The following SLC25A13 variants were observed in gnomAD, a reference collection of about 807,000 sequenced individuals.
SLC25A13 encodes electrogenic aspartate/glutamate antiporter SLC25A13, mitochondrial.
SLC25A13 carries 70 observed loss-of-function variants against 85.5 expected under a neutral mutation model. The observed-to-expected ratio is 0.82, with a 90% confidence interval of 0.68 to 1.00. The LOEUF (loss-of-function observed/expected upper bound fraction) is 1.00. Ranked by LOEUF, SLC25A13 falls within the 50% of genes least tolerant of loss-of-function variation. The pLI is 0.00. For synonymous variants in SLC25A13, 259 were observed against 288.7 expected (o/e 0.90, Z 1.04); for missense variants, 765 against 819.8 (o/e 0.93, Z 0.82).
At chr7:96,275,489 T>C (rs1212194283) in intron 3 of SLC25A13, among the ~76,000 whole-genome samples, 1 of 152,174 alleles carries the variant, frequency 6.6e-6, no homozygotes, top group African/African-American at 2.4e-5. Context: ...TCAACCCAAA[T>C]GTCCATCAAT....
chr7:96,288,517 T>G (rs559040410), intron 2 of SLC25A13, among the ~76,000 whole-genome samples: 1 of 152,258 alleles, frequency 6.6e-6, no homozygotes, highest in Admixed American at 6.5e-5. Context: ...TTCCCTTTCC[T>G]AGCCAAGGGA....
Position 96,191,211 on chromosome 7 carries a change from A to T in SLC25A13, c.652T>A (p.Ser218Thr), listed in dbSNP as rs748471758. ...GGTTSHQVSF[S>T]YFNGFNSLLN... ...AGCGAATTAAATCCATTAAAATAGG[A>T]GAAACTAACTTGATGGGATGTGGTA... The change falls in exon 7 of 18, where the codon TCC (serine) becomes ACC (threonine). Residue 218 changes from serine (S) to threonine (T), a missense_variant. Physicochemically the swap from Ser to Thr is moderately conservative, Grantham distance 58. Transcript: ENST00000265631. The T allele has an allele frequency of 1.2e-6, 2 of 1,614,094 alleles. No individual in the cohort carries two copies. Among genetic ancestry groups the T allele is most frequent in the Non-Finnish European group, 1.7e-6 (2 of 1,179,994 alleles).
chr7:96,202,418 C>T (rs973678516), intron 5 of SLC25A13, among the ~76,000 whole-genome samples: 2 of 152,210 alleles, frequency 1.3e-5, no homozygotes, highest in Admixed American at 6.5e-5. Flanking sequence ...CATTCTTAAA[C>T]TCTATTTGAT....
intron 5 of SLC25A13, among the ~76,000 whole-genome samples, chr7:96,199,515 G>A (rs1795175423): frequency 6.6e-6 from 1 of 152,152 alleles, no homozygotes; most frequent in South Asian, 2.1e-4. Context: ...AAATGCTGCT[G>A]CCGAAGACAG....
At chr7:96,175,656 G>A (rs1375720907) in intron 11 of SLC25A13, among the ~76,000 whole-genome samples, 1 of 152,148 alleles carries the variant, frequency 6.6e-6, no homozygotes. Context: ...TCTCTCCCAG[G>A]CCCACTAAGG....
intron 3 of SLC25A13, among the ~76,000 whole-genome samples, chr7:96,272,547 G>A (rs1019720699): frequency 6.6e-6 from 1 of 152,118 alleles, no homozygotes; most frequent in Non-Finnish European, 1.5e-5. Context: ...TGATTTCCAG[G>A]TCAAAGGCAG....
chr7:96,240,621 A>C (rs988654454), intron 3 of SLC25A13, among the ~76,000 whole-genome samples: 1 of 151,868 alleles, frequency 6.6e-6, no homozygotes, highest in South Asian at 2.1e-4. Flanking sequence ...GCTCATGTCT[A>C]TAATTCCAGC....
At chr7:96,251,451 G>T (rs1416943766) in intron 3 of SLC25A13, among the ~76,000 whole-genome samples, 1 of 152,166 alleles carries the variant, frequency 6.6e-6, no homozygotes, top group Admixed American at 6.5e-5. Flanking sequence ...AAGAAGATTT[G>T]GTGAGAAGTT....
chr7:96,248,150 C>G (rs1797276681), intron 3 of SLC25A13, among the ~76,000 whole-genome samples: 1 of 152,020 alleles, frequency 6.6e-6, no homozygotes, highest in East Asian at 1.9e-4. Flanking sequence ...TCAGATGAAC[C>G]TAAATTCAGC....
chr7:96,240,746 A>AG (rs1314507621), intron 3 of SLC25A13, among the ~76,000 whole-genome samples: 2 of 88,870 alleles, frequency 2.3e-5, no homozygotes, highest in South Asian at 6.8e-4. Flanking sequence ...ACCATCTACT[A>AG]GAAAAAAAAA....
chr7:96,321,740 G>C (rs1034885661), intron 1 of SLC25A13, among the ~76,000 whole-genome samples: 2 of 152,172 alleles, frequency 1.3e-5, no homozygotes, highest in African/African-American at 4.8e-5. Flanking sequence ...CTGCGAGGTC[G>C]GGCCTCGGTC....
intron 3 of SLC25A13, among the ~76,000 whole-genome samples, chr7:96,247,958 G>GA (rs79369705): frequency 0.023 from 2,813 of 122,438 alleles, 47 homozygotes; most frequent in African/African-American, 0.055. Flanking sequence ...TAGCAGCTGG[G>GA]AAAAAAAAAA....
intron 5 of SLC25A13, among the ~76,000 whole-genome samples, chr7:96,194,851 G>A (rs1287983904): frequency 2.0e-5 from 3 of 152,136 alleles, no homozygotes; most frequent in African/African-American, 7.2e-5. Context: ...AAGAATCAGA[G>A]TTCTTATCCT....
At chr7:96,181,539 A>G (rs1056890110) in intron 11 of SLC25A13, among the ~76,000 whole-genome samples, 2 of 152,152 alleles carry the variant, frequency 1.3e-5, no homozygotes, top group African/African-American at 4.8e-5. Flanking sequence ...TATTAACCTC[A>G]TAATAAGATC....
chr7:96,241,096 A>AAGAAAGAAAGAG (rs1796978585), intron 3 of SLC25A13, among the ~76,000 whole-genome samples: 1 of 136,256 alleles, frequency 7.3e-6, no homozygotes, highest in African/African-American at 2.6e-5. Flanking sequence ...GAAAGAAAGA[A>AAGAAAGAAAGAG]AGAAAGAAAG....
intron 11 of SLC25A13, among the ~76,000 whole-genome samples, chr7:96,182,636 A>G (rs1393122518): frequency 6.6e-6 from 1 of 152,254 alleles, no homozygotes; most frequent in Non-Finnish European, 1.5e-5. Context: ...ACATTAGCTC[A>G]GCACTCAGTA....
chr7:96,171,566 C>T, intron 11 of SLC25A13, 42 bp from the exon 12 acceptor site: 1 of 1,540,114 alleles, frequency 6.5e-7, no homozygotes, highest in Middle Eastern at 1.7e-4. Context: ...AATAAATTAG[C>T]ATTAACTAAA....
chr7:96,227,271 T>C (rs1796358906), intron 4 of SLC25A13, among the ~76,000 whole-genome samples: 1 of 152,156 alleles, frequency 6.6e-6, no homozygotes, highest in Non-Finnish European at 1.5e-5. Context: ...ATTTCCAGAG[T>C]AGTGAGATAT....
Position 96,284,414 on chromosome 7 carries a change from AAGTG to A in SLC25A13, c.70-7080_70-7077del. Among the ~76,000 whole-genome samples, 3 of 152,358 alleles carry A rather than the reference AAGTG, an allele frequency of 2.0e-5. No homozygotes were observed. In the South Asian group the frequency reaches 6.2e-4, roughly 32 times the overall value. On this transcript the variant is annotated intron_variant, in intron 2 of 17. Coordinates refer to ENST00000265631, the MANE Select transcript of SLC25A13 (RefSeq NM_014251.3). ...CAAAATTTGCCTACAGACATTTTAA[AAGTG>A]GATATCATGCTTTTGCTGACAAAAC...
Sources: gnomAD v4.1 joint callset for allele counts (sites outside exome capture counted in the v4.1 genomes callset) on GRCh38, gnomAD v4.1.1 for gene constraint, MANE v1.5 for transcripts, NCBI Gene and HGNC (gene_info 2026-07-23, HGNC 2026-07-21) for gene names.